The following FRYL variants were observed in gnomAD, a reference collection of about 807,000 sequenced individuals.
The protein encoded by FRYL is FRY like transcription coactivator.
A neutral mutation model predicts 351.2 loss-of-function variants in FRYL; 150 were observed. The observed-to-expected ratio is 0.43, with a 90% CI of 0.37 to 0.49. FRYL has a LOEUF of 0.49. Ranked by LOEUF, FRYL falls within the 20% of genes least tolerant of loss-of-function variation. The probability of loss-of-function intolerance (pLI) is 0.00; values close to 1 mark genes in which losing one functional copy is unlikely to be tolerated. For synonymous variants in FRYL, 1,153 were observed against 1,257.1 expected (o/e 0.92, Z 1.75); for missense variants, 3,036 against 3,619.3 (o/e 0.84, Z 4.13).
chr4:48,620,906 T>A, intron 5 of FRYL, 128 bp from the exon 6 acceptor site: 2 of 827,934 alleles, frequency 2.4e-6, no homozygotes, highest in Non-Finnish European at 3.6e-6. Flanking sequence ...GCTTTAAAAT[T>A]AAAGCAAGGG....
intron 2 of FRYL, among the ~76,000 whole-genome samples, chr4:48,702,997 G>A (rs946821760): frequency 2.0e-5 from 3 of 152,092 alleles, no homozygotes; most frequent in African/African-American, 7.2e-5. Flanking sequence ...GAAGATCGGA[G>A]ATGAGCTAAG....
At chr4:48,629,969 G>T (rs1377351863) in intron 4 of FRYL, among the ~76,000 whole-genome samples, 1 of 152,150 alleles carries the variant, frequency 6.6e-6, no homozygotes, top group African/African-American at 2.4e-5. Context: ...GCTGACTGGG[G>T]CATACAATGG....
At chr4:48,658,985 T>C (rs929231221) in intron 3 of FRYL, among the ~76,000 whole-genome samples, 2 of 152,200 alleles carry the variant, frequency 1.3e-5, no homozygotes, top group African/African-American at 4.8e-5. Flanking sequence ...CTTTCTTCTA[T>C]TTACTTACGC....
chr4:48,525,196 T>TATATATATAC (rs759279145), intron 53 of FRYL, among the ~76,000 whole-genome samples: 137 of 133,018 alleles, frequency 1.0e-3, no homozygotes, highest in East Asian at 2.6e-3. Flanking sequence ...TATATATATA[T>TATATATATAC]ACACACACTT....
chr4:48,710,489 C>G (rs4695397), intron 2 of FRYL, 30 bp downstream of exon 2: 1 of 398,204 alleles, frequency 2.5e-6, no homozygotes, highest in Admixed American at 4.4e-5. Flanking sequence ...GAAAGAAGGC[C>G]TAGAAAAGAG....
chr4:48,715,788 T>C (rs1282661893), intron 1 of FRYL, among the ~76,000 whole-genome samples: 2 of 152,146 alleles, frequency 1.3e-5, no homozygotes, highest in African/African-American at 2.4e-5. Flanking sequence ...AAAGTTCATA[T>C]GGAACCAAAA....
At chr4:48,500,355 A>C (rs972554361) in intron 62 of FRYL, 135 bp from the exon 63 acceptor site, 19 of 517,000 alleles carry the variant, frequency 3.7e-5, no homozygotes, top group Non-Finnish European at 5.9e-5. Flanking sequence ...CTTGGAAGAA[A>C]GGGCAGTTAA....
At chr4:48,617,682 C>CA (rs1393075599) in intron 7 of FRYL, 2 of 151,662 alleles carry the variant, frequency 1.3e-5, no homozygotes, top group East Asian at 3.9e-4. Context: ...GGGAAGAGGA[C>CA]AGGGAGGATG....
intron 3 of FRYL, among the ~76,000 whole-genome samples, chr4:48,657,582 A>G (rs1200392640): frequency 8.5e-5 from 13 of 152,240 alleles, no homozygotes; most frequent in Non-Finnish European, 1.8e-4. Context: ...CTTTTTATAA[A>G]TTCAGAATTC....
At chr4:48,622,451 T>G (rs1750852638) in intron 5 of FRYL, among the ~76,000 whole-genome samples, 1 of 152,188 alleles carries the variant, frequency 6.6e-6, no homozygotes, top group South Asian at 2.1e-4. Flanking sequence ...CCTCAGTGAT[T>G]CTGCTTTGGC....
Position 48,589,134 on chromosome 4 carries a change from C to T in FRYL, c.1640+611G>A, listed in dbSNP as rs1433320055. Among the ~76,000 whole-genome samples the T allele has an allele frequency of 2.6e-5, 4 of 152,144 alleles. No homozygotes were observed. The East Asian group carries it at 7.7e-4, about 29-fold the overall frequency. On this transcript the variant is annotated intron_variant, in intron 18 of 63. Coordinates refer to ENST00000358350, the MANE Select transcript of FRYL (RefSeq NM_015030.2). ...ATATTAATATCCAGAAGAATCTCCT[C>T]CCTTACAGAGAATATGTAGATGTTT...
intron 1 of FRYL, among the ~76,000 whole-genome samples, chr4:48,748,611 T>C (rs1772927436): frequency 6.6e-6 from 1 of 152,164 alleles, no homozygotes; most frequent in Non-Finnish European, 1.5e-5. Flanking sequence ...GGGAAGTAGA[T>C]ACTTATCTTG....
At chr4:48,591,459 A>G (rs1054223573) in intron 16 of FRYL, among the ~76,000 whole-genome samples, 2 of 152,154 alleles carry the variant, frequency 1.3e-5, no homozygotes, top group African/African-American at 4.8e-5. Context: ...CCCTGAAGCC[A>G]TTCTCACTCA....
intron 1 of FRYL, among the ~76,000 whole-genome samples, chr4:48,715,056 T>G (rs1279085078): frequency 1.3e-5 from 2 of 152,188 alleles, no homozygotes; most frequent in Non-Finnish European, 2.9e-5. Context: ...GAACAGGCCT[T>G]TGACTAAATT....
chr4:48,521,166 A>C lies in FRYL; in HGVS notation c.7571T>G (p.Leu2524Ter), dbSNP rs1724816084. The change falls in exon 55 of 64, where the codon TTA (leucine) becomes TGA (stop). Residue 2524 changes from leucine to a stop codon, truncating the protein, a stop_gained. Coordinates refer to ENST00000358350, the MANE Select transcript of FRYL (RefSeq NM_015030.2). LOFTEE classifies it high-confidence loss of function. ...TDETIPDHPD[L>*]LLQSEDSTGS... ...AGTGGAATCTTCAGACTGGAGAAGT[A>C]AGTCAGGATGGTCTGGTATTGTTTC... The C allele has an allele frequency of 3.1e-6, 5 of 1,613,526 alleles. No individual in the cohort carries two copies. The highest frequency in any genetic ancestry group is 4.2e-6 in the Non-Finnish European group (5 of 1,179,556).
rs1316823371 is a variant in FRYL at position 48,719,790 on chromosome 4, AT to A, written c.-383-9093del. On this transcript the variant is annotated intron_variant, in intron 1 of 63. Coordinates refer to ENST00000358350, the MANE Select transcript of FRYL (RefSeq NM_015030.2). Reference sequence around the variant, plus strand: ...TCCTGATTTTGTCAGGAACAACTTGATTCACTGATATCTACCAAAATGGGAA... The same window carrying A: ...TCCTGATTTTGTCAGGAACAACTTGATCACTGATATCTACCAAAATGGGAA... 6.6e-5 allele frequency among the ~76,000 whole-genome samples: 10 copies of A among 151,640 alleles called. No homozygotes were observed. The Admixed American group carries it at 6.6e-4, about 10-fold the overall frequency.
chr4:48,652,373 T>G (rs1388364353), intron 3 of FRYL, among the ~76,000 whole-genome samples: 3 of 152,192 alleles, frequency 2.0e-5, no homozygotes, highest in Non-Finnish European at 4.4e-5. Flanking sequence ...AGAGAAAGAT[T>G]AGAAGCTACA....
At chr4:48,708,645 T>C (rs1234723104) in intron 2 of FRYL, among the ~76,000 whole-genome samples, 2 of 152,214 alleles carry the variant, frequency 1.3e-5, no homozygotes, top group Non-Finnish European at 2.9e-5. Context: ...CTGGCTGGAA[T>C]GCAGTGGCGC....
At chr4:48,737,612 C>T (rs559971890) in intron 1 of FRYL, among the ~76,000 whole-genome samples, 6 of 152,238 alleles carry the variant, frequency 3.9e-5, no homozygotes, top group African/African-American at 1.4e-4. Flanking sequence ...GGAAATACTC[C>T]CAAACTCATT....
Sources: gnomAD v4.1 joint callset for allele counts (sites outside exome capture counted in the v4.1 genomes callset) on GRCh38, gnomAD v4.1.1 for gene constraint, MANE v1.5 for transcripts, NCBI Gene and HGNC (gene_info 2026-07-23, HGNC 2026-07-21) for gene names.